Variants in RTN4IP1 observed in about 807,000 individuals in gnomAD.
RTN4IP1 encodes NAD(P)H oxidoreductase RTN4IP1, mitochondrial.
A neutral mutation model predicts 46.6 loss-of-function variants in RTN4IP1; 32 were observed. That is an observed-to-expected ratio of 0.69 (90% confidence interval 0.52 to 0.92). RTN4IP1 has a LOEUF of 0.92. RTN4IP1 is among the 40% of genes least tolerant of loss of function. The pLI, the probability that RTN4IP1 is intolerant of heterozygous loss-of-function variation, is 0.00. For missense variants in RTN4IP1, 424 were observed against 485.8 expected (o/e 0.87, Z 1.20); for synonymous variants, 167 against 161.8 (o/e 1.03, Z -0.24).
At position 106,628,978 on chromosome 6, in the gene RTN4IP1, G is replaced by C. The variant is rs1211710093; in HGVS notation, c.44C>G (p.Thr15Ser). The part of the protein sequence containing the change: ...KTCVLRRNAC[T>S]AVCFWRSKVV... ...TTTGCTTCTCCAGAAGCAAACCGCA[G>C]TGCATGCATTTCTTCTAAGTACACA... is the stretch of plus-strand genomic sequence containing the variant. Residue 15 changes from threonine (T) to serine (S), a missense_variant, in exon 1 of 9, where the codon ACT becomes AGT. Thr to Ser is a moderately conservative substitution (Grantham distance 58). Coordinates refer to ENST00000369063, the MANE Select transcript of RTN4IP1 (RefSeq NM_032730.5). 1.9e-6 allele frequency: 3 copies of C among 1,613,980 alleles called. No homozygotes were observed. The South Asian group carries it at 3.3e-5, about 18-fold the overall frequency.
intron 4 of RTN4IP1, among the ~76,000 whole-genome samples, chr6:106,606,687 C>T (rs553975335): frequency 7.9e-5 from 12 of 152,020 alleles, no homozygotes; most frequent in South Asian, 2.1e-4. Context: ...GGGGGAGGAT[C>T]GCTTGAGCTC....
intron 8 of RTN4IP1, among the ~76,000 whole-genome samples, chr6:106,578,908 C>T (rs1379905338): frequency 6.8e-6 from 1 of 147,082 alleles, no homozygotes; most frequent in Non-Finnish European, 1.5e-5. Context: ...AGTTCTTCTT[C>T]TTCTTCTTTT....
intron 8 of RTN4IP1, among the ~76,000 whole-genome samples, chr6:106,577,935 CTTATTA>C (rs767305448): frequency 1.3e-5 from 2 of 152,160 alleles, no homozygotes; most frequent in Non-Finnish European, 2.9e-5. Flanking sequence ...TGACCAAAAT[CTTATTA>C]TTATAAGATA....
At position 106,626,399 on chromosome 6, in the gene RTN4IP1, CT is replaced by C. The variant is rs879453327; in HGVS notation, c.274+2348del. On this transcript the variant is annotated intron_variant, in intron 1 of 8. Coordinates refer to ENST00000369063, the MANE Select transcript of RTN4IP1 (RefSeq NM_032730.5). Reference sequence around the variant, plus strand: ...ATATTCACAAAAGTCATGTGCTTCACTTTTCCTGCCTTACATTCCTTTTCCA... The same window carrying C: ...ATATTCACAAAAGTCATGTGCTTCACTTTCCTGCCTTACATTCCTTTTCCA... Among the ~76,000 whole-genome samples the C allele has an allele frequency of 2.5e-4, 38 of 152,310 alleles. 1 individual carries two copies. The highest frequency in any genetic ancestry group is 6.8e-3 in the Middle Eastern group (2 of 294).
chr6:106,595,716 T>G (rs1027711673), intron 5 of RTN4IP1, among the ~76,000 whole-genome samples: 4 of 152,168 alleles, frequency 2.6e-5, no homozygotes, highest in African/African-American at 9.7e-5. Flanking sequence ...CAGGCTGGTC[T>G]GGAACCCTTG....
chr6:106,574,978 A>C (rs1010408702), intron 8 of RTN4IP1, among the ~76,000 whole-genome samples: 3 of 152,242 alleles, frequency 2.0e-5, no homozygotes, highest in African/African-American at 7.2e-5. Flanking sequence ...ATGGAAAAAA[A>C]GGTTTCAAAT....
intron 8 of RTN4IP1, among the ~76,000 whole-genome samples, chr6:106,580,055 A>G (rs1775321687): frequency 6.6e-6 from 1 of 151,790 alleles, no homozygotes; most frequent in Non-Finnish European, 1.5e-5. Context: ...TCTACTAAAG[A>G]TACAAAAAAT....
intron 4 of RTN4IP1, among the ~76,000 whole-genome samples, chr6:106,604,085 A>G (rs1776004633): frequency 6.6e-6 from 1 of 152,176 alleles, no homozygotes; most frequent in Non-Finnish European, 1.5e-5. Context: ...TGGCTGCTGG[A>G]AAGTGCAGGG....
intron 4 of RTN4IP1, among the ~76,000 whole-genome samples, chr6:106,603,369 A>T (rs1775991401): frequency 6.6e-6 from 1 of 152,218 alleles, no homozygotes; most frequent in Non-Finnish European, 1.5e-5. Flanking sequence ...TTGTTCAGAG[A>T]TGTCAAGTTC....
At chr6:106,603,477 A>C (rs1300441823) in intron 4 of RTN4IP1, among the ~76,000 whole-genome samples, 1 of 152,022 alleles carries the variant, frequency 6.6e-6, no homozygotes, top group African/African-American at 2.4e-5. Flanking sequence ...CTCATACTGC[A>C]TGTTCTTACC....
chr6:106,582,234 G>A (rs552492022), intron 8 of RTN4IP1, among the ~76,000 whole-genome samples: 22 of 152,160 alleles, frequency 1.4e-4, no homozygotes, highest in Non-Finnish European at 2.1e-4. Context: ...AAATCGAAAC[G>A]GAAAGATGAA....
rs1294351779 is a variant in RTN4IP1, at chr6:106,629,475, C to T, written c.-454G>A. On this transcript the variant is annotated 5_prime_UTR_variant, in exon 1 of 9. Transcript: ENST00000369063. Reference sequence around the variant, plus strand: ...CGGAATCTCCTTGCCTGCCCGCTCTCCTTAGCCGCCGGGATGGCTTTGCGG... The same window carrying T: ...CGGAATCTCCTTGCCTGCCCGCTCTTCTTAGCCGCCGGGATGGCTTTGCGG... The T allele has an allele frequency of 4.3e-6, 3 of 689,980 alleles. No individual in the cohort carries two copies. In the Admixed American group the frequency reaches 8.7e-5, roughly 20 times the overall value. 42.7% of individuals were successfully genotyped at this position (689,980 alleles called of 1,614,324 possible). A position where few individuals can be genotyped will look rare whatever the true frequency, so the allele number is the denominator to read the frequency against.
At chr6:106,578,669 C>T (rs985954802) in intron 8 of RTN4IP1, among the ~76,000 whole-genome samples, 5 of 152,192 alleles carry the variant, frequency 3.3e-5, no homozygotes, top group Non-Finnish European at 7.3e-5. Flanking sequence ...GGCTCCTTGG[C>T]TGTGTGGAGC....
chr6:106,608,983 TC>T (rs1295739428), intron 4 of RTN4IP1, among the ~76,000 whole-genome samples: 2 of 152,214 alleles, frequency 1.3e-5, no homozygotes, highest in Non-Finnish European at 2.9e-5. Flanking sequence ...GAGACTCTGT[TC>T]CCCTAATTCT....
rs923672781 is a variant in RTN4IP1, at chr6:106,584,261, A to G, written c.991-841T>C. On this transcript the variant is annotated intron_variant, in intron 7 of 8. Transcript: ENST00000369063. ...GCTGTAATTGTTATTCTTTATGTCA[A>G]AGGTAGGGTAGGCCATTACGGAAAC... Among the ~76,000 whole-genome samples the G allele has an allele frequency of 2.6e-5, 4 of 152,152 alleles. No homozygotes were observed. In the South Asian group the frequency reaches 6.2e-4, roughly 24 times the overall value.
At chr6:106,620,425 G>A (rs753307664) in intron 3 of RTN4IP1, among the ~76,000 whole-genome samples, 9 of 152,046 alleles carry the variant, frequency 5.9e-5, no homozygotes, top group Non-Finnish European at 1.2e-4. Flanking sequence ...TTATGTTATC[G>A]GTAAGGCTTC....
intron 6 of RTN4IP1, among the ~76,000 whole-genome samples, chr6:106,588,833 G>A (rs1357705362): frequency 1.3e-5 from 2 of 151,986 alleles, no homozygotes; most frequent in East Asian, 2.0e-4. Context: ...GGGCAAGGCC[G>A]GGTGCAGTGG....
At chr6:106,591,354 C>T (rs1775657933) in intron 6 of RTN4IP1, among the ~76,000 whole-genome samples, 3 of 152,104 alleles carry the variant, frequency 2.0e-5, no homozygotes, top group African/African-American at 7.2e-5. Context: ...GGGTGCACCA[C>T]CAAACTACTG....
intron 5 of RTN4IP1, among the ~76,000 whole-genome samples, chr6:106,599,528 A>G (rs769358896): frequency 1.5e-4 from 22 of 151,578 alleles, no homozygotes; most frequent in Non-Finnish European, 2.2e-4. Flanking sequence ...TTGTTCTTGA[A>G]TGTCATTAAA....
Sources: gnomAD v4.1 joint callset for allele counts (sites outside exome capture counted in the v4.1 genomes callset) on GRCh38, gnomAD v4.1.1 for gene constraint, MANE v1.5 for transcripts, NCBI Gene and HGNC (gene_info 2026-07-23, HGNC 2026-07-21) for gene names.